The following FBN2 variants were observed in gnomAD, a reference collection of about 807,000 sequenced individuals.
The protein encoded by FBN2 is fibrillin-2.
In FBN2, 105 loss-of-function variants were observed where a neutral mutation model predicts 355.6. That is an observed-to-expected ratio of 0.30 (90% CI 0.25 to 0.35). The LOEUF (loss-of-function observed/expected upper bound fraction) is 0.35, where lower values mean the gene tolerates loss of function less well. Among genes scored for constraint, FBN2 ranks in the 10% least tolerant of loss-of-function variants. The pLI is 1.00. For synonymous variants in FBN2, 1,350 were observed against 1,301.2 expected (o/e 1.04, Z -0.81); for missense variants, 3,280 against 3,758.7 (o/e 0.87, Z 3.33).
chr5:128,478,905 A>G (rs1755079281), intron 5 of FBN2, among the ~76,000 whole-genome samples: 1 of 152,202 alleles, frequency 6.6e-6, no homozygotes, highest in African/African-American at 2.4e-5. Flanking sequence ...TTGCTCATAA[A>G]ATAGTTTTAT....
At chr5:128,336,315 T>C (rs1750841166) in intron 27 of FBN2, among the ~76,000 whole-genome samples, 1 of 152,220 alleles carries the variant, frequency 6.6e-6, no homozygotes, top group Non-Finnish European at 1.5e-5. Context: ...CTTTCTACAA[T>C]GATGCAACTG....
chr5:128,271,446 G>C (rs1248931460), intron 62 of FBN2, among the ~76,000 whole-genome samples: 2 of 152,210 alleles, frequency 1.3e-5, no homozygotes, highest in Non-Finnish European at 2.9e-5. Flanking sequence ...ATCAATGCAA[G>C]GAACAGAGCT....
chr5:128,514,643 T>C (rs1039463293), intron 5 of FBN2, among the ~76,000 whole-genome samples: 2 of 152,160 alleles, frequency 1.3e-5, no homozygotes, highest in Admixed American at 6.5e-5. Flanking sequence ...AAAAGGTAAA[T>C]TGAAGTAAAC....
intron 7 of FBN2, among the ~76,000 whole-genome samples, chr5:128,412,240 C>A (rs1022883669): frequency 6.6e-6 from 1 of 152,222 alleles, no homozygotes; most frequent in African/African-American, 2.4e-5. Context: ...TGTTCAGTTT[C>A]TGTGAGATAT....
chr5:128,258,354 A>G lies in FBN2; in HGVS notation c.*1101T>C, dbSNP rs1168763211. On this transcript the variant is annotated 3_prime_UTR_variant, in exon 65 of 65. Transcript: ENST00000262464. ...AATGAGGCATATGGTGTATAACTACAGTATTAATGAAAATTCTAAAAAAAA... is the reference window on the plus strand; with the variant it reads ...AATGAGGCATATGGTGTATAACTACGGTATTAATGAAAATTCTAAAAAAAA... The G allele has an allele frequency of 6.6e-6, 1 of 152,638 alleles. No homozygotes were observed. The highest frequency in any genetic ancestry group is 1.9e-4 in the East Asian group (1 of 5,204). 9.5% of individuals were successfully genotyped at this position (152,638 alleles called of 1,614,324 possible).
intron 5 of FBN2, among the ~76,000 whole-genome samples, chr5:128,483,553 G>A (rs1203804121): frequency 1.3e-5 from 2 of 151,850 alleles, no homozygotes; most frequent in Admixed American, 1.3e-4. Flanking sequence ...AAAGCAAACT[G>A]TTAGATTTGG....
chr5:128,459,907 A>ACAAGGATC (rs1342348948), intron 6 of FBN2, among the ~76,000 whole-genome samples: 1 of 152,208 alleles, frequency 6.6e-6, no homozygotes, highest in Non-Finnish European at 1.5e-5. Flanking sequence ...CCGGCACAAG[A>ACAAGGATC]CAAGGATCCC....
intron 5 of FBN2, among the ~76,000 whole-genome samples, chr5:128,496,455 C>T (rs1755657547): frequency 6.6e-6 from 1 of 151,964 alleles, no homozygotes; most frequent in African/African-American, 2.4e-5. Flanking sequence ...CAGAAAAGAA[C>T]AAGTTTCATA....
intron 1 of FBN2, 127 bp from the exon 2 acceptor site, chr5:128,536,611 A>G: frequency 1.4e-6 from 1 of 738,290 alleles, no homozygotes; most frequent in Non-Finnish European, 2.4e-6. Flanking sequence ...ATTACACTTC[A>G]AATTATTGGA....
chr5:128,396,754 G>C (rs1752660543), intron 8 of FBN2, among the ~76,000 whole-genome samples: 1 of 152,198 alleles, frequency 6.6e-6, no homozygotes, highest in East Asian at 1.9e-4. Context: ...AAAAAACTGT[G>C]AGCTTCATTA....
chr5:128,435,811 C>T (rs906714550), intron 7 of FBN2, among the ~76,000 whole-genome samples: 2 of 152,182 alleles, frequency 1.3e-5, no homozygotes, highest in African/African-American at 4.8e-5. Flanking sequence ...AGATCACAAT[C>T]CAGATCAAAG....
At chr5:128,283,407 C>G (rs914134707) in intron 55 of FBN2, among the ~76,000 whole-genome samples, 28 of 152,218 alleles carry the variant, frequency 1.8e-4, no homozygotes, top group African/African-American at 6.8e-4. Context: ...GTCACCAAAT[C>G]TAATTACAAC....
chr5:128,386,079 G>A (rs1321060023), intron 11 of FBN2, among the ~76,000 whole-genome samples: 1 of 152,030 alleles, frequency 6.6e-6, no homozygotes, highest in Non-Finnish European at 1.5e-5. Context: ...TGGAATCATT[G>A]TCATAAAATC....
chr5:128,307,308 C>G, intron 41 of FBN2, 105 bp from the exon 42 acceptor site: 1 of 769,844 alleles, frequency 1.3e-6, no homozygotes, highest in Non-Finnish European at 2.3e-6. Context: ...TTATTCACAA[C>G]CAGACATTTT....
intron 2 of FBN2, among the ~76,000 whole-genome samples, chr5:128,532,595 A>G (rs966403367): frequency 6.6e-6 from 1 of 152,242 alleles, no homozygotes; most frequent in Admixed American, 6.5e-5. Flanking sequence ...AACTGGCTGT[A>G]GTTAGGGAAA....
chr5:128,479,644 G>C (rs1000351098), intron 5 of FBN2, among the ~76,000 whole-genome samples: 1 of 152,084 alleles, frequency 6.6e-6, no homozygotes, highest in Non-Finnish European at 1.5e-5. Flanking sequence ...AGCTACTAAT[G>C]GTCTAGACCT....
At chr5:128,527,197 GAGA>G (rs1312164129) in intron 4 of FBN2, among the ~76,000 whole-genome samples, 4 of 152,144 alleles carry the variant, frequency 2.6e-5, no homozygotes, top group African/African-American at 7.2e-5. Flanking sequence ...CCACAATTTA[GAGA>G]AGATTACCCA....
chr5:128,522,963 C>T (rs183922118), intron 4 of FBN2, among the ~76,000 whole-genome samples: 1 of 152,214 alleles, frequency 6.6e-6, no homozygotes, highest in African/African-American at 2.4e-5. Context: ...CCACCAAAAT[C>T]CTAGAAGGAG....
chr5:128,400,894 G>C (rs1437701165), intron 8 of FBN2, among the ~76,000 whole-genome samples: 3 of 152,134 alleles, frequency 2.0e-5, no homozygotes, highest in Non-Finnish European at 4.4e-5. Flanking sequence ...GGACCCAGAG[G>C]GAGGTAACTG....
Sources: allele counts gnomAD v4.1 joint callset (sites outside exome capture counted in the v4.1 genomes callset), GRCh38; gene constraint gnomAD v4.1.1; transcripts MANE v1.5; gene names NCBI Gene and HGNC (gene_info 2026-07-23, HGNC 2026-07-21).